The following TRPC6 variants were observed in gnomAD, a reference collection of about 807,000 sequenced individuals.
The protein encoded by TRPC6 is short transient receptor potential channel 6.
Under a neutral mutation model 90.7 loss-of-function variants are expected in TRPC6, and 55 were observed. That is an observed-to-expected ratio of 0.61 (90% confidence interval 0.49 to 0.76). The LOEUF (loss-of-function observed/expected upper bound fraction) is 0.76. Among genes scored for constraint, TRPC6 ranks in the 30% least tolerant of loss-of-function variants. TRPC6 has a pLI of 0.00. For missense variants in TRPC6, 989 were observed against 1,122.7 expected, an observed-to-expected ratio of 0.88 and a Z score of 1.70; for synonymous variants, 393 against 393.0, an observed-to-expected ratio of 1.00 and a Z score of 0.00.
rs143192769 is a variant in TRPC6 at position 101,579,955 on chromosome 11, T to C, written c.170+3379A>G. On this transcript the variant is annotated intron_variant, in intron 1 of 12. Coordinates refer to ENST00000344327, the MANE Select transcript of TRPC6 (RefSeq NM_004621.6). Reference sequence around the variant, plus strand: ...CTTCACAATCTATACTCGCTTTTAATGTCTTTGTTCTTAGCACATGGTAGA... The same window carrying C: ...CTTCACAATCTATACTCGCTTTTAACGTCTTTGTTCTTAGCACATGGTAGA... Among the ~76,000 whole-genome samples, 1,069 of 152,314 alleles carry C rather than the reference T, an allele frequency of 7.0e-3. 57 individuals are homozygous for C. Among genetic ancestry groups the C allele is most frequent in the Admixed American group, 0.064 (981 of 15,288 alleles).
chr11:101,574,918 TG>T (rs924372983), intron 1 of TRPC6, among the ~76,000 whole-genome samples: 2 of 152,162 alleles, frequency 1.3e-5, no homozygotes, highest in African/African-American at 4.8e-5. Flanking sequence ...TTCTTTTTTT[TG>T]TGAAGGTTTT....
At chr11:101,486,185 T>A (rs1859675740) in intron 4 of TRPC6, among the ~76,000 whole-genome samples, 1 of 152,164 alleles carries the variant, frequency 6.6e-6, no homozygotes. Flanking sequence ...TTTATTTTTC[T>A]TACAAAAGTT....
At chr11:101,537,673 G>T (rs1360025132) in intron 1 of TRPC6, among the ~76,000 whole-genome samples, 1 of 151,934 alleles carries the variant, frequency 6.6e-6, no homozygotes, top group African/African-American at 2.4e-5. Flanking sequence ...ATGTCAGTTT[G>T]CTGAATATAA....
chr11:101,501,952 GA>G (rs1184445155), intron 2 of TRPC6, among the ~76,000 whole-genome samples: 2 of 152,064 alleles, frequency 1.3e-5, no homozygotes, highest in Non-Finnish European at 2.9e-5. Context: ...TTTTCAGTTA[GA>G]TTTATCCTTT....
intron 10 of TRPC6, among the ~76,000 whole-genome samples, chr11:101,469,054 T>G (rs552918958): frequency 1.1e-3 from 164 of 152,310 alleles, no homozygotes; most frequent in African/African-American, 3.8e-3. Flanking sequence ...TTCTTGATTA[T>G]TGACAAATTA....
At chr11:101,489,671 G>C (rs1417202221) in intron 3 of TRPC6, among the ~76,000 whole-genome samples, 1 of 150,564 alleles carries the variant, frequency 6.6e-6, no homozygotes, top group Non-Finnish European at 1.5e-5. Flanking sequence ...AAGTTTTCAT[G>C]TATTTATTTT....
intron 1 of TRPC6, among the ~76,000 whole-genome samples, chr11:101,577,851 A>C (rs1266611361): frequency 1.3e-5 from 2 of 152,158 alleles, no homozygotes; most frequent in African/African-American, 4.8e-5. Flanking sequence ...GAGCTAAAAG[A>C]AGAGTAGTAT....
In TRPC6 at chr11:101,453,701, T is replaced by A. The variant is rs1219164198; in HGVS notation, c.2593A>T (p.Arg865Ter). The A allele has an allele frequency of 1.2e-6, 2 of 1,613,860 alleles. No individual in the cohort carries two copies. Among genetic ancestry groups the A allele is most frequent in the Admixed American group, 1.7e-5 (1 of 60,010 alleles). Reference sequence around the variant, plus strand: ...TCTATCTGGGCCTGCAGTACATATCTTTTAATGAGCCTTTTCATTATTTTC... The same window carrying A: ...TCTATCTGGGCCTGCAGTACATATCATTTAATGAGCCTTTTCATTATTTTC... ...YQKIMKRLIK[R>*]YVLQAQIDKE... The change falls in exon 12 of 13, where the codon AGA becomes TGA. Residue 865 changes from arginine to a stop codon, truncating the protein, a stop_gained. Coordinates refer to ENST00000344327, the MANE Select transcript of TRPC6 (RefSeq NM_004621.6). LOFTEE classifies it high-confidence loss of function.
Position 101,540,485 on chromosome 11 carries a change from A to G in TRPC6, c.171-35687T>C, listed in dbSNP as rs75606538. 1.7e-3 allele frequency among the ~76,000 whole-genome samples: 259 copies of G among 152,350 alleles called. 3 individuals are homozygous for G. Among genetic ancestry groups the G allele is most frequent in the African/African-American group, 5.8e-3 (241 of 41,590 alleles). ...ATTTCCTGGGCATATGTAGTGTTAA[A>G]TGACTGCATCCTACACGCTTGGAGT... On this transcript the variant is annotated intron_variant, in intron 1 of 12. Transcript: ENST00000344327.
intron 1 of TRPC6, among the ~76,000 whole-genome samples, chr11:101,580,414 G>T (rs1862169072): frequency 6.6e-6 from 1 of 152,116 alleles, no homozygotes; most frequent in East Asian, 1.9e-4. Context: ...TGAATAAAGA[G>T]AAAATCTGAG....
intron 2 of TRPC6, among the ~76,000 whole-genome samples, chr11:101,498,850 GAGAGAGTCCCCCTTTAAACAAC>G (rs762461540): frequency 3.0e-4 from 45 of 152,208 alleles, no homozygotes; most frequent in Middle Eastern, 3.4e-3. Context: ...TAGCAAGCAA[GAGAGAGTCCCCCTTTAAACAAC>G]AGAGAGTCCC....
At chr11:101,515,887 G>A (rs541961518) in intron 1 of TRPC6, among the ~76,000 whole-genome samples, 1 of 151,898 alleles carries the variant, frequency 6.6e-6, no homozygotes, top group Non-Finnish European at 1.5e-5. Context: ...ATTTCACTAA[G>A]GCTAGGAGGA....
intron 1 of TRPC6, among the ~76,000 whole-genome samples, chr11:101,570,526 G>A (rs1400708234): frequency 6.6e-6 from 1 of 152,136 alleles, no homozygotes; most frequent in Non-Finnish European, 1.5e-5. Flanking sequence ...CATTTCATGA[G>A]GTCAGCATCA....
In TRPC6 at chr11:101,504,781, C is replaced by T. The variant is rs2136743287; in HGVS notation, c.188G>A (p.Arg63Lys). The part of the protein sequence containing the change: ...YYPCFRGSDN[R>K]LAHRRQTVLR... ...AACTGTCTGCCGCCGGTGAGCCAGT[C>T]TGTTGTCAGATCCCCGGCTGCAATA... Residue 63 changes from arginine (R) to lysine (K), a missense_variant, in exon 2 of 13, where the codon AGA (arginine) becomes AAA (lysine). Arg to Lys is a conservative substitution (Grantham distance 26). Around this residue, in one of 4 missense-constraint regions of TRPC6, gnomAD observed 194 missense variants for 136.5 expected, o/e 1.42. Transcript: ENST00000344327. 6.2e-7 allele frequency: 1 copy of T among 1,611,440 alleles called. No homozygotes were observed. Among genetic ancestry groups the T allele is most frequent in the East Asian group, 2.2e-5 (1 of 44,860 alleles).
At chr11:101,523,496 CTCTT>C (rs773155565) in intron 1 of TRPC6, among the ~76,000 whole-genome samples, 45 of 152,272 alleles carry the variant, frequency 3.0e-4, no homozygotes, top group Middle Eastern at 3.4e-3. Context: ...CTGTAATTTT[CTCTT>C]TCTTATAAAA....
intron 10 of TRPC6, among the ~76,000 whole-genome samples, chr11:101,462,923 C>T (rs2136652984): frequency 6.6e-6 from 1 of 152,224 alleles, no homozygotes; most frequent in East Asian, 1.9e-4. Context: ...TTTGCCCATT[C>T]AGTATGATAT....
At chr11:101,520,193 G>A (rs2136775886) in intron 1 of TRPC6, among the ~76,000 whole-genome samples, 1 of 152,148 alleles carries the variant, frequency 6.6e-6, no homozygotes, top group Middle Eastern at 3.4e-3. Context: ...TCTCGTGACA[G>A]TGAGTGAGTT....
intron 10 of TRPC6, among the ~76,000 whole-genome samples, chr11:101,463,095 A>G (rs572889722): frequency 6.6e-6 from 1 of 152,280 alleles, no homozygotes; most frequent in South Asian, 2.1e-4. Flanking sequence ...GGTTCTGTTT[A>G]CGTGATGGAT....
intron 1 of TRPC6, among the ~76,000 whole-genome samples, chr11:101,509,503 T>C (rs192682145): frequency 1.4e-4 from 22 of 152,280 alleles, no homozygotes; most frequent in Admixed American, 7.8e-4. Context: ...AATACTAAGT[T>C]TACATTGAGC....
Sources: allele counts gnomAD v4.1 joint callset (sites outside exome capture counted in the v4.1 genomes callset), GRCh38; gene constraint gnomAD v4.1.1; regional missense constraint gnomAD v4.1.1; transcripts MANE v1.5; gene names NCBI Gene and HGNC (gene_info 2026-07-23, HGNC 2026-07-21).